UBR2: variants seen among roughly 807,000 people sequenced by gnomAD.
UBR2 encodes the protein ubiquitin protein ligase E3 component n-recognin 2, also known as E3 ubiquitin-protein ligase UBR2.
A neutral mutation model predicts 247.9 loss-of-function variants in UBR2; 92 were observed. The observed-to-expected ratio is 0.37, with a 90% confidence interval of 0.31 to 0.44. UBR2 has a LOEUF of 0.44. Among genes scored for constraint, UBR2 ranks in the 20% least tolerant of loss-of-function variants. The pLI is 1.00. For missense variants in UBR2, 1,613 were observed against 2,112.6 expected (o/e 0.76, Z 4.64); for synonymous variants, 672 against 693.5 (o/e 0.97, Z 0.49).
chr6:42,626,961 G>A (rs1033942369), intron 11 of UBR2, among the ~76,000 whole-genome samples: 1 of 152,108 alleles, frequency 6.6e-6, no homozygotes, highest in South Asian at 2.1e-4. Context: ...TACCTTGCTC[G>A]CTGCCCAGAT....
chr6:42,688,208 C>T lies in UBR2; in HGVS notation c.4854-8C>T. ...ATCAATGACTTGTGGGTTTTTTATCCCTTGGAGGTGCCCGAAATCAGGTGG... is the reference window on the plus strand; with the variant it reads ...ATCAATGACTTGTGGGTTTTTTATCTCTTGGAGGTGCCCGAAATCAGGTGG... On this transcript the variant is annotated splice_polypyrimidine_tract_variant and splice_region_variant and intron_variant, in intron 44 of 46. Coordinates refer to ENST00000372901, the MANE Select transcript of UBR2 (RefSeq NM_001363705.2). The T allele has an allele frequency of 6.2e-7, 1 of 1,613,972 alleles. No homozygotes were observed. The highest frequency in any genetic ancestry group is 8.5e-7 in the Non-Finnish European group (1 of 1,179,984).
rs189031138 is a variant in UBR2 at position 42,629,009 on chromosome 6, G to T, written c.1282-3543G>T. 5.5e-4 allele frequency among the ~76,000 whole-genome samples: 84 copies of T among 151,790 alleles called. 2 individuals carry two copies. The East Asian group carries it at 8.4e-3, about 15-fold the overall frequency. ...AATAAAAACTGTAATATAATCAGGGGTTTTTTTGTTTTTGTTTTTGTTTTG... is the reference window on the plus strand; with the variant it reads ...AATAAAAACTGTAATATAATCAGGGTTTTTTTTGTTTTTGTTTTTGTTTTG... On this transcript the variant is annotated intron_variant, in intron 11 of 46. Transcript: ENST00000372901.
At chr6:42,641,801 T>C in intron 17 of UBR2, 109 bp downstream of exon 17, 1 of 778,738 alleles carries the variant, frequency 1.3e-6, no homozygotes, top group Non-Finnish European at 2.0e-6. Flanking sequence ...TATATTAAAA[T>C]TGTTTGAAAA....
At chr6:42,571,976 G>T (rs1290955936) in intron 1 of UBR2, among the ~76,000 whole-genome samples, 3 of 151,944 alleles carry the variant, frequency 2.0e-5, no homozygotes, top group Non-Finnish European at 4.4e-5. Context: ...AATTTTGATT[G>T]AGTCACTCTG....
Position 42,685,745 on chromosome 6 carries a change from A to G in UBR2, c.4853+874A>G, listed in dbSNP as rs183037299. Among the ~76,000 whole-genome samples, 65 of 152,136 alleles carry G rather than the reference A, an allele frequency of 4.3e-4. 1 individual carries two copies. Among genetic ancestry groups the G allele is most frequent in the African/African-American group, 1.1e-3 (46 of 41,514 alleles). On this transcript the variant is annotated intron_variant, in intron 44 of 46. Coordinates refer to ENST00000372901, the MANE Select transcript of UBR2 (RefSeq NM_001363705.2). ...TATAGTATCAAATATTTAACATACA[A>G]GCAGCATAAAGAATAATATAATAGG...
chr6:42,568,241 C>T (rs1364014937), intron 1 of UBR2, among the ~76,000 whole-genome samples: 1 of 152,080 alleles, frequency 6.6e-6, no homozygotes, highest in East Asian at 1.9e-4. Flanking sequence ...AATTTTGGGA[C>T]ATTTTTATCA....
In UBR2 at chr6:42,659,223, T is replaced by C. The variant is rs1378114275; in HGVS notation, c.3242+399T>C. Among the ~76,000 whole-genome samples the C allele has an allele frequency of 6.6e-6, 1 of 151,968 alleles. No individual in the cohort carries two copies. The highest frequency in any genetic ancestry group is 1.5e-5 in the Non-Finnish European group (1 of 67,990). ...AAATATATACATTCCTGGCTGTGCGTGGTGGCTCACGCCTGTAATCCCAGC... is the reference window on the plus strand; with the variant it reads ...AAATATATACATTCCTGGCTGTGCGCGGTGGCTCACGCCTGTAATCCCAGC... On this transcript the variant is annotated intron_variant, in intron 29 of 46. Coordinates refer to ENST00000372901, the MANE Select transcript of UBR2 (RefSeq NM_001363705.2). The surrounding 1 kb of genome is among the most constrained non-coding windows in gnomAD (Gnocchi z 4.3).
rs777681637 is a variant in UBR2 at position 42,655,707 on chromosome 6, C to G, written c.2856C>G (p.Phe952Leu). ...VTEEHVVTFT[F>L]TQKISKPGEA... ...AAGAGCATGTAGTAACATTTACCTT[C>G]ACTCAGAAGATATCAAGTATGTATA... The change falls in exon 26 of 47, where the codon TTC (phenylalanine) becomes TTG (leucine). Residue 952 changes from phenylalanine (F) to leucine (L), a missense_variant. Around this residue, in one of 3 missense-constraint regions of UBR2, gnomAD observed 1,524 missense variants for 1,967.3 expected, o/e 0.77. Transcript: ENST00000372901. The G allele has an allele frequency of 6.5e-7, 1 of 1,540,574 alleles. No homozygotes were observed. Among genetic ancestry groups the G allele is most frequent in the East Asian group, 2.5e-5 (1 of 40,678 alleles).
chr6:42,640,386 GTGTGTGTGTGT>G (rs746665471), intron 16 of UBR2, 116 bp downstream of exon 16: 114,382 of 458,400 alleles, frequency 0.25, 15,001 homozygotes, highest in East Asian at 0.35. Context: ...CCAGTAAGGT[GTGTGTGTGTGT>G]GTGTGTGTGT....
chr6:42,682,479 T>C (rs982900552), intron 42 of UBR2, among the ~76,000 whole-genome samples: 14 of 152,156 alleles, frequency 9.2e-5, no homozygotes, highest in Admixed American at 2.6e-4. Flanking sequence ...CACCCAGGCT[T>C]GAGTGCACTG....
At chr6:42,567,502 G>C (rs1221815726) in intron 1 of UBR2, among the ~76,000 whole-genome samples, 1 of 152,104 alleles carries the variant, frequency 6.6e-6, no homozygotes, top group Non-Finnish European at 1.5e-5. Context: ...AGGCCAAGGA[G>C]GGCAGATCAC....
At chr6:42,576,839 G>A (rs1582432126) in intron 2 of UBR2, among the ~76,000 whole-genome samples, 3 of 152,070 alleles carry the variant, frequency 2.0e-5, no homozygotes, top group Middle Eastern at 6.8e-3. Flanking sequence ...GTTTTGTTAG[G>A]GCAGATCCAA....
chr6:42,691,022 C>T lies in UBR2; in HGVS notation c.5127-10C>T. The T allele has an allele frequency of 3.1e-6, 5 of 1,613,318 alleles. No individual in the cohort carries two copies. Among genetic ancestry groups the T allele is most frequent in the Non-Finnish European group, 3.4e-6 (4 of 1,179,828 alleles). ...ACACATTCTGAGTGACATGTGTCTT[C>T]TCTTTCTAGACGGGGAAATCCTTTA... On this transcript the variant is annotated splice_polypyrimidine_tract_variant and intron_variant, in intron 46 of 46. Coordinates refer to ENST00000372901, the MANE Select transcript of UBR2 (RefSeq NM_001363705.2).
rs554270331 is a variant in UBR2, at chr6:42,693,065, T to C, written c.*1892T>C. ...TTCACCAAGCTAAAATTTAAAATAA[T>C]AAGACCAGGTTTCTCTCTGTACAAG... is the stretch of plus-strand genomic sequence containing the variant. On this transcript the variant is annotated 3_prime_UTR_variant, in exon 47 of 47. Coordinates refer to ENST00000372901, the MANE Select transcript of UBR2 (RefSeq NM_001363705.2). 1 of 152,320 alleles carries C rather than the reference T, an allele frequency of 6.6e-6. No homozygotes were observed. Among genetic ancestry groups the C allele is most frequent in the African/African-American group, 2.4e-5 (1 of 41,570 alleles). The allele number at this position is 152,320 out of a possible 1,614,324, so 9.4% of individuals were successfully genotyped here. A position where few individuals can be genotyped will look rare whatever the true frequency, so the allele number is the denominator to read the frequency against.
chr6:42,619,430 TATATATATATATATATATA>T lies in UBR2; in HGVS notation c.1281+1924_1281+1942del, dbSNP rs1352514038. ...TTATGAACATATATATATATATATATATATATATATATATATATATATATTTTTTTTTTTTAGTTCTCTA... is the reference window on the plus strand; with the variant it reads ...TTATGAACATATATATATATATATATTATATTTTTTTTTTTTAGTTCTCTA... On this transcript the variant is annotated intron_variant, in intron 11 of 46. Transcript: ENST00000372901. 17 of 18,168 alleles carry T rather than the reference TATATATATATATATATATA, an allele frequency of 9.4e-4. 3 individuals are homozygous for T. The East Asian group carries it at 0.018, about 19-fold the overall frequency. The allele number at this position is 18,168 out of a possible 1,614,324, so 1.1% of individuals were successfully genotyped here.
At chr6:42,629,259 C>T (rs370045238) in intron 11 of UBR2, among the ~76,000 whole-genome samples, 3 of 151,886 alleles carry the variant, frequency 2.0e-5, no homozygotes, top group Admixed American at 6.6e-5. Flanking sequence ...TCAAGTGATC[C>T]GCCCACCTCA....
At chr6:42,648,002 T>C (rs1796879228) in intron 21 of UBR2, 116 bp from the exon 22 acceptor site, 1 of 644,948 alleles carries the variant, frequency 1.6e-6, no homozygotes. Flanking sequence ...TCTGTAAAAA[T>C]GGAGATAAGG....
At position 42,674,224 on chromosome 6, in the gene UBR2, A is replaced by C. The variant is rs200640561; in HGVS notation, c.4251+31A>C. The C allele has an allele frequency of 3.1e-6, 5 of 1,601,572 alleles. No individual in the cohort carries two copies. The East Asian group carries it at 1.1e-4, about 36-fold the overall frequency. ...TATTGTGCAGTTTGTTTGGACTTCT[A>C]CGTCATACTATGTAACTTTACCTTA... On this transcript the variant is annotated intron_variant, in intron 38 of 46. Transcript: ENST00000372901.
At chr6:42,629,144 G>C (rs1338853288) in intron 11 of UBR2, among the ~76,000 whole-genome samples, 1 of 151,960 alleles carries the variant, frequency 6.6e-6, no homozygotes, top group African/African-American at 2.4e-5. Flanking sequence ...AGCTTCCCTA[G>C]TAGCTGGGAT....
Sources: gnomAD v4.1 joint callset for allele counts (sites outside exome capture counted in the v4.1 genomes callset) on GRCh38, gnomAD v4.1.1 for gene constraint, gnomAD v4.1.1 regional missense constraint, Gnocchi (gnomAD v3.1) non-coding constraint, MANE v1.5 for transcripts, NCBI Gene and HGNC (gene_info 2026-07-23, HGNC 2026-07-21) for gene names.